The following TEAD1 variants were observed in gnomAD, a reference collection of about 807,000 sequenced individuals.
The protein encoded by TEAD1 is transcriptional enhancer factor TEF-1.
A neutral mutation model predicts 54.9 loss-of-function variants in TEAD1; 9 were observed. The ratio of observed to expected loss-of-function variants is 0.16; its 90% CI spans 0.10 to 0.29. TEAD1 has a LOEUF of 0.29. Among genes scored for constraint, TEAD1 ranks in the 10% least tolerant of loss-of-function variants. The pLI is 1.00. For synonymous variants in TEAD1, 200 were observed against 187.8 expected (o/e 1.07, Z -0.53); for missense variants, 387 against 535.9 (o/e 0.72, Z 2.74).
intron 3 of TEAD1, among the ~76,000 whole-genome samples, chr11:12,778,458 G>A (rs959629745): frequency 4.6e-5 from 7 of 151,556 alleles, no homozygotes; most frequent in African/African-American, 1.7e-4. Context: ...CACAGGCAGA[G>A]CTAATTTTTC....
chr11:12,854,998 C>T (rs1371404908), intron 3 of TEAD1, among the ~76,000 whole-genome samples: 1 of 152,170 alleles, frequency 6.6e-6, no homozygotes, highest in South Asian at 2.1e-4. Flanking sequence ...CTTCCGTAGG[C>T]CTCCTTTCTT....
chr11:12,743,106 C>T (rs1178230344), intron 2 of TEAD1, among the ~76,000 whole-genome samples: 1 of 152,206 alleles, frequency 6.6e-6, no homozygotes, highest in Non-Finnish European at 1.5e-5. Flanking sequence ...CTTGCCTTGG[C>T]ATCCCTGATA....
Position 12,844,385 on chromosome 11 carries a change from G to A in TEAD1, c.203-17865G>A, listed in dbSNP as rs531134244. Among the ~76,000 whole-genome samples, 37 of 152,222 alleles carry A rather than the reference G, an allele frequency of 2.4e-4. 1 individual carries two copies. In the South Asian group the frequency reaches 2.5e-3, roughly 10 times the overall value. Reference sequence around the variant, plus strand: ...GTGTTAGAAATTCCTGTTTGAAAAGGAAAGCCAGTTCCTCCCCCTTTTTAT... The same window carrying A: ...GTGTTAGAAATTCCTGTTTGAAAAGAAAAGCCAGTTCCTCCCCCTTTTTAT... On this transcript the variant is annotated intron_variant, in intron 3 of 12. Coordinates refer to ENST00000527636, the MANE Select transcript of TEAD1 (RefSeq NM_021961.6).
chr11:12,928,208 C>G (rs1282019142), intron 11 of TEAD1, among the ~76,000 whole-genome samples: 1 of 151,514 alleles, frequency 6.6e-6, no homozygotes, highest in African/African-American at 2.4e-5. Flanking sequence ...TTGTTGCATT[C>G]TATTTGCTGA....
At chr11:12,806,422 T>TAGTGCCC (rs1554935944) in intron 3 of TEAD1, among the ~76,000 whole-genome samples, 1 of 152,122 alleles carries the variant, frequency 6.6e-6, no homozygotes, top group Non-Finnish European at 1.5e-5. Flanking sequence ...TGGAAAAGGG[T>TAGTGCCC]TATTGGCTTG....
At chr11:12,884,922 T>A (rs1407484998) in intron 9 of TEAD1, among the ~76,000 whole-genome samples, 2 of 152,206 alleles carry the variant, frequency 1.3e-5, no homozygotes, top group African/African-American at 4.8e-5. Flanking sequence ...GTTCTTTGGT[T>A]GAAGGCTGGG....
At chr11:12,712,405 G>GTGC (rs1328029450) in intron 2 of TEAD1, among the ~76,000 whole-genome samples, 1 of 152,132 alleles carries the variant, frequency 6.6e-6, no homozygotes, top group Non-Finnish European at 1.5e-5. Flanking sequence ...TGCTATCTGT[G>GTGC]TGCTGCTGTC....
chr11:12,678,371 G>A (rs1024157583), intron 2 of TEAD1, among the ~76,000 whole-genome samples: 1 of 152,196 alleles, frequency 6.6e-6, no homozygotes, highest in African/African-American at 2.4e-5. Flanking sequence ...CTGCTGCTGG[G>A]CTGCTTGGGG....
intron 3 of TEAD1, among the ~76,000 whole-genome samples, chr11:12,808,288 A>G (rs1019122343): frequency 1.3e-5 from 2 of 152,022 alleles, no homozygotes; most frequent in Admixed American, 1.3e-4. Context: ...TGAACTTGGG[A>G]TGGGACGTGG....
intron 3 of TEAD1, among the ~76,000 whole-genome samples, chr11:12,859,544 A>G (rs964153090): frequency 1.3e-5 from 2 of 152,180 alleles, no homozygotes; most frequent in African/African-American, 4.8e-5. Flanking sequence ...AAATTGCAAA[A>G]TCTGTACAAC....
intron 10 of TEAD1, among the ~76,000 whole-genome samples, chr11:12,919,936 T>C (rs1948773887): frequency 6.6e-6 from 1 of 152,206 alleles, no homozygotes. Context: ...CTAGTACTCA[T>C]TTCAGGTGCA....
intron 3 of TEAD1, among the ~76,000 whole-genome samples, chr11:12,860,051 G>A (rs1311371116): frequency 1.3e-5 from 2 of 152,158 alleles, no homozygotes; most frequent in Admixed American, 6.5e-5. Flanking sequence ...GACAAAGGAT[G>A]GTCACAGGAT....
intron 2 of TEAD1, among the ~76,000 whole-genome samples, chr11:12,717,620 G>A (rs1040247582): frequency 2.6e-5 from 4 of 152,192 alleles, no homozygotes; most frequent in Non-Finnish European, 5.9e-5. Flanking sequence ...GGGAGGAGGG[G>A]AAGGTGATGA....
At chr11:12,780,291 TGGA>T (rs1945515613) in intron 3 of TEAD1, among the ~76,000 whole-genome samples, 1 of 151,206 alleles carries the variant, frequency 6.6e-6, no homozygotes, top group African/African-American at 2.4e-5. Context: ...TCACCTAGGC[TGGA>T]CTGCAGTGGT....
chr11:12,675,850 C>T (rs1943073978), intron 2 of TEAD1, among the ~76,000 whole-genome samples: 1 of 152,204 alleles, frequency 6.6e-6, no homozygotes, highest in African/African-American at 2.4e-5. Context: ...ATTTTCTTTG[C>T]TTTTAAATTG....
At chr11:12,873,308 C>G (rs1459340098) in intron 5 of TEAD1, among the ~76,000 whole-genome samples, 2 of 152,152 alleles carry the variant, frequency 1.3e-5, no homozygotes, top group Non-Finnish European at 2.9e-5. Flanking sequence ...CACCTGGATC[C>G]GGCAGGAAGC....
chr11:12,805,753 G>A (rs1353986976), intron 3 of TEAD1, among the ~76,000 whole-genome samples: 1 of 152,202 alleles, frequency 6.6e-6, no homozygotes, highest in Non-Finnish European at 1.5e-5. Flanking sequence ...ATAAAGATTA[G>A]TAGGTACAGA....
intron 3 of TEAD1, among the ~76,000 whole-genome samples, chr11:12,788,312 A>C (rs1047250958): frequency 1.3e-5 from 2 of 151,928 alleles, no homozygotes; most frequent in African/African-American, 4.8e-5. Flanking sequence ...TTGTATTTTT[A>C]GTAGTGACGG....
At chr11:12,931,050 G>T (rs1949003202) in intron 12 of TEAD1, among the ~76,000 whole-genome samples, 1 of 152,168 alleles carries the variant, frequency 6.6e-6, no homozygotes. Flanking sequence ...AGGATCCCCT[G>T]AGCCCAGGAG....
Sources: gnomAD v4.1 joint callset for allele counts (sites outside exome capture counted in the v4.1 genomes callset) on GRCh38, gnomAD v4.1.1 for gene constraint, MANE v1.5 for transcripts, NCBI Gene and HGNC (gene_info 2026-07-23, HGNC 2026-07-21) for gene names.